The following NEO1 variants were observed in gnomAD, a reference collection of about 807,000 sequenced individuals.
NEO1 encodes neogenin.
A neutral mutation model predicts 159.7 loss-of-function variants in NEO1; 63 were observed. The ratio of observed to expected loss-of-function variants is 0.39; its 90% CI spans 0.32 to 0.49. The LOEUF (loss-of-function observed/expected upper bound fraction) is 0.49, where lower values mean the gene tolerates loss of function less well. NEO1 is among the 20% of genes least tolerant of loss of function. The probability of loss-of-function intolerance (pLI) is 0.85; values close to 1 mark genes in which losing one functional copy is unlikely to be tolerated. For synonymous variants in NEO1, 633 were observed against 662.0 expected (o/e 0.96, Z 0.67); for missense variants, 1,615 against 1,831.0 (o/e 0.88, Z 2.15).
chr15:73,228,676 G>A (rs992432548), intron 7 of NEO1, among the ~76,000 whole-genome samples: 18 of 151,912 alleles, frequency 1.2e-4, no homozygotes, highest in Middle Eastern at 3.4e-3. Flanking sequence ...TTGATGTAAC[G>A]TATAAAAATT....
At chr15:73,133,730 T>G (rs1232692493) in intron 4 of NEO1, among the ~76,000 whole-genome samples, 1 of 152,184 alleles carries the variant, frequency 6.6e-6, no homozygotes, top group East Asian at 1.9e-4. Flanking sequence ...CCTGCATCTT[T>G]GAATTTTGGA....
chr15:73,207,094 A>G (rs907961421), intron 7 of NEO1, among the ~76,000 whole-genome samples: 1 of 152,238 alleles, frequency 6.6e-6, no homozygotes, highest in Non-Finnish European at 1.5e-5. Context: ...GTAGACAAGT[A>G]TGGCTCAATC....
chr15:73,077,768 TGAG>T (rs1567143295), intron 1 of NEO1, among the ~76,000 whole-genome samples: 1 of 152,278 alleles, frequency 6.6e-6, no homozygotes, highest in African/African-American at 2.4e-5. Flanking sequence ...ATAATACTGC[TGAG>T]GAGAAGGTGA....
chr15:73,240,171 A>T (rs1346241450), intron 8 of NEO1, among the ~76,000 whole-genome samples: 1 of 152,240 alleles, frequency 6.6e-6, no homozygotes, highest in Non-Finnish European at 1.5e-5. Flanking sequence ...CTCTCAGGGC[A>T]GGACAGGTTT....
chr15:73,129,754 G>T (rs2030841989), intron 4 of NEO1, among the ~76,000 whole-genome samples: 1 of 152,140 alleles, frequency 6.6e-6, no homozygotes, highest in Non-Finnish European at 1.5e-5. Context: ...AGGTTAAAAT[G>T]CTTGATATTA....
At chr15:73,124,279 C>T (rs2151669313) in intron 3 of NEO1, among the ~76,000 whole-genome samples, 1 of 152,068 alleles carries the variant, frequency 6.6e-6, no homozygotes, top group South Asian at 2.1e-4. Flanking sequence ...CCCAAGTTGG[C>T]CTTGAACTCC....
At chr15:73,087,413 G>C (rs1434451088) in intron 1 of NEO1, among the ~76,000 whole-genome samples, 1 of 152,134 alleles carries the variant, frequency 6.6e-6, no homozygotes, top group Non-Finnish European at 1.5e-5. Flanking sequence ...TGCTAATGCT[G>C]CATTGAAGAT....
intron 1 of NEO1, among the ~76,000 whole-genome samples, chr15:73,090,715 C>T (rs983180242): frequency 4.6e-5 from 7 of 152,134 alleles, no homozygotes; most frequent in African/African-American, 7.2e-5. Flanking sequence ...AAAATTATCA[C>T]TATCATTCCA....
intron 15 of NEO1, among the ~76,000 whole-genome samples, chr15:73,262,290 A>G (rs1422138284): frequency 6.6e-6 from 1 of 152,180 alleles, no homozygotes; most frequent in Non-Finnish European, 1.5e-5. Context: ...TAAAACTTCT[A>G]CTTTTAGAAA....
Position 73,254,830 on chromosome 15 carries a change from G to A in NEO1, c.2092+1G>A. On this transcript the variant is annotated splice_donor_variant, in intron 13 of 28. Transcript: ENST00000261908. LOFTEE classifies it high-confidence loss of function. ...ACACAGCTGTCTCAGCTGATTGAAG[G>A]TAAGCTACCGTGCACAAAGGCAAAA... The A allele has an allele frequency of 6.2e-7, 1 of 1,611,322 alleles. No individual in the cohort carries two copies. Among genetic ancestry groups the A allele is most frequent in the Non-Finnish European group, 8.5e-7 (1 of 1,179,122 alleles).
chr15:73,201,226 A>C (rs1230845645), intron 7 of NEO1, among the ~76,000 whole-genome samples: 1 of 149,304 alleles, frequency 6.7e-6, no homozygotes, highest in Non-Finnish European at 1.5e-5. Context: ...TTTAGGCTTA[A>C]TTTTCTCTTC....
At chr15:73,137,467 G>C (rs901422688) in intron 5 of NEO1, among the ~76,000 whole-genome samples, 6 of 152,170 alleles carry the variant, frequency 3.9e-5, no homozygotes, top group South Asian at 4.1e-4. Flanking sequence ...TTGAGACAGG[G>C]TCTCCCTCTG....
chr15:73,261,135 C>T (rs2040602728), intron 15 of NEO1, among the ~76,000 whole-genome samples: 1 of 151,728 alleles, frequency 6.6e-6, no homozygotes, highest in South Asian at 2.1e-4. Context: ...TCTTTGAGCA[C>T]TTTCTTCCTT....
chr15:73,151,273 G>A (rs2033349409), intron 5 of NEO1, among the ~76,000 whole-genome samples: 1 of 152,176 alleles, frequency 6.6e-6, no homozygotes, highest in South Asian at 2.1e-4. Flanking sequence ...TCTAAACAGT[G>A]TTGATTTCCT....
chr15:73,299,072 C>T (rs532965144), intron 27 of NEO1, among the ~76,000 whole-genome samples: 103 of 152,232 alleles, frequency 6.8e-4, no homozygotes, highest in Non-Finnish European at 1.3e-3. Flanking sequence ...AAGTCATTTA[C>T]CCAAATCCAC....
chr15:73,181,902 C>T (rs779138880), intron 7 of NEO1, among the ~76,000 whole-genome samples: 7 of 152,088 alleles, frequency 4.6e-5, no homozygotes, highest in African/African-American at 7.2e-5. Flanking sequence ...AAGGTTTACC[C>T]AAGTTCTGGG....
chr15:73,291,404 A>G (rs951794444), intron 25 of NEO1, among the ~76,000 whole-genome samples: 2 of 152,184 alleles, frequency 1.3e-5, no homozygotes, highest in African/African-American at 2.4e-5. Context: ...TTGCACCAAT[A>G]TACAATATTA....
chr15:73,137,195 C>G (rs1223354321), intron 5 of NEO1, among the ~76,000 whole-genome samples: 1 of 152,068 alleles, frequency 6.6e-6, no homozygotes, highest in Non-Finnish European at 1.5e-5. Flanking sequence ...TACAATTACT[C>G]TCAGATTGGC....
intron 1 of NEO1, among the ~76,000 whole-genome samples, chr15:73,088,498 C>T (rs888667356): frequency 2.6e-5 from 4 of 151,904 alleles, no homozygotes; most frequent in Non-Finnish European, 5.9e-5. Flanking sequence ...AACACTTTTA[C>T]CTGATACTTG....
Sources: gnomAD v4.1 joint callset for allele counts (sites outside exome capture counted in the v4.1 genomes callset) on GRCh38, gnomAD v4.1.1 for gene constraint, MANE v1.5 for transcripts, NCBI Gene and HGNC (gene_info 2026-07-23, HGNC 2026-07-21) for gene names.